CD99L2: variants seen among roughly 807,000 people sequenced by gnomAD.
CD99L2 encodes the protein CD99 molecule like 2, also known as CD99 antigen-like protein 2.
In CD99L2, 24 loss-of-function variants were observed where a neutral mutation model predicts 27.3. That is an observed-to-expected ratio of 0.88 (90% CI 0.64 to 1.24). The LOEUF (loss-of-function observed/expected upper bound fraction) is 1.24. CD99L2 is among the 50% of genes most tolerant of loss of function. The pLI, the probability that CD99L2 is intolerant of heterozygous loss-of-function variation, is 0.00. For missense variants in CD99L2, 255 were observed against 221.6 expected, an observed-to-expected ratio of 1.15 and a Z score of -0.96; for synonymous variants, 97 against 87.9, an observed-to-expected ratio of 1.10 and a Z score of -0.58.
chrX:150,867,539 G>A (rs377566663), intron 1 of CD99L2, among the ~76,000 whole-genome samples: 4 of 111,180 alleles, frequency 3.6e-5, no homozygotes, highest in South Asian at 7.6e-4. Context: ...CAAGGAGGGC[G>A]GATCACCTGA....
intron 1 of CD99L2, among the ~76,000 whole-genome samples, chrX:150,870,526 G>A (rs932147178): frequency 8.0e-5 from 9 of 112,040 alleles, no homozygotes; most frequent in Non-Finnish European, 1.3e-4. Context: ...GGCAGAGGTT[G>A]CAAATTTGTC....
intron 9 of CD99L2, among the ~76,000 whole-genome samples, chrX:150,774,149 G>A (rs147279064): frequency 0.012 from 1,330 of 111,703 alleles, 11 homozygotes; most frequent in Non-Finnish European, 0.02. Flanking sequence ...ATAAATATTC[G>A]TTCAATGACA....
At chrX:150,777,577 A>G in intron 7 of CD99L2, 95 bp from the exon 8 acceptor site, 1 of 907,057 alleles carries the variant, frequency 1.1e-6, no homozygotes, top group Non-Finnish European at 1.6e-6. Context: ...TGGCCCTTCC[A>G]ATCCCACCTA....
Position 150,816,037 on chromosome X carries a change from C to T in CD99L2, c.172G>A (p.Gly58Arg), listed in dbSNP as rs782070868. The T allele has an allele frequency of 1.7e-6, 2 of 1,211,555 alleles. No homozygotes were observed. Among genetic ancestry groups the T allele is most frequent in the Admixed American group, 4.3e-5 (2 of 45,994 alleles). The part of the protein sequence containing the change: ...HTTTTTTNRP[G>R]TTRAPAKPPG... The stretch of plus-strand genomic sequence containing the variant: ...GGTTTTGCCGGAGCTCTGGTGGTTC[C>T]TGGCCTATTGGTTGTGGTGGTGGTG... The change falls in exon 3 of 11, where the codon GGA becomes AGA. Residue 58 changes from glycine (G) to arginine (R), a missense_variant. By Grantham distance (125) the Gly-to-Arg change is moderately radical. Coordinates refer to ENST00000370377, the MANE Select transcript of CD99L2 (RefSeq NM_031462.4).
intron 1 of CD99L2, among the ~76,000 whole-genome samples, chrX:150,884,689 C>T (rs2047381272): frequency 9.0e-6 from 1 of 111,413 alleles, no homozygotes; most frequent in Admixed American, 9.6e-5. Context: ...TCTCAATCAA[C>T]CAATTAATCA....
At chrX:150,828,102 G>C (rs1190149877) in intron 2 of CD99L2, among the ~76,000 whole-genome samples, 2 of 111,634 alleles carry the variant, frequency 1.8e-5, no homozygotes, top group Non-Finnish European at 3.8e-5. Flanking sequence ...GCTATTCTGA[G>C]TCCTTTGAAT....
intron 9 of CD99L2, 74 bp downstream of exon 9, chrX:150,776,100 G>A (rs781825168): frequency 1.1e-5 from 13 of 1,155,351 alleles, no homozygotes; most frequent in Non-Finnish European, 1.5e-5. Flanking sequence ...GAGGGATCTG[G>A]ATCTGTCCTG....
chrX:150,891,111 T>G (rs782388380), intron 1 of CD99L2, among the ~76,000 whole-genome samples: 112 of 113,042 alleles, frequency 9.9e-4, no homozygotes, highest in African/African-American at 3.5e-3. Context: ...ACTGAAACAA[T>G]GTAAGGAAAT....
chrX:150,802,282 A>G (rs1420214671), intron 4 of CD99L2, among the ~76,000 whole-genome samples: 1 of 111,510 alleles, frequency 9.0e-6, no homozygotes, highest in Admixed American at 9.5e-5. Flanking sequence ...GAAAATATTT[A>G]GGATGGGACG....
At chrX:150,808,401 T>C (rs1557420297) in intron 4 of CD99L2, among the ~76,000 whole-genome samples, 1 of 112,427 alleles carries the variant, frequency 8.9e-6, no homozygotes, top group East Asian at 2.8e-4. Flanking sequence ...TGCTGGCCCT[T>C]AGCATGAACC....
chrX:150,872,548 A>G (rs1557422217), intron 1 of CD99L2, among the ~76,000 whole-genome samples: 2 of 105,329 alleles, frequency 1.9e-5, no homozygotes, highest in Non-Finnish European at 3.9e-5. Context: ...ATGTTAAAAA[A>G]AAAAAAAAAC....
At chrX:150,873,548 A>G (rs1196427843) in intron 1 of CD99L2, among the ~76,000 whole-genome samples, 1 of 112,133 alleles carries the variant, frequency 8.9e-6, no homozygotes, top group Admixed American at 9.5e-5. Context: ...AAAATGGTCA[A>G]TTGTATGGGA....
At chrX:150,779,669 TG>T (rs1188056376) in intron 7 of CD99L2, among the ~76,000 whole-genome samples, 1 of 112,485 alleles carries the variant, frequency 8.9e-6, no homozygotes, top group Non-Finnish European at 1.9e-5. Context: ...TGATGAGTCA[TG>T]GGCATAAAAT....
intron 4 of CD99L2, among the ~76,000 whole-genome samples, chrX:150,801,302 G>A (rs1306088003): frequency 1.8e-5 from 2 of 111,724 alleles, no homozygotes; most frequent in East Asian, 5.6e-4. Context: ...AAAGAAAAGA[G>A]GTTTAATTGA....
At chrX:150,807,110 T>C (rs1306096147) in intron 4 of CD99L2, among the ~76,000 whole-genome samples, 2 of 111,111 alleles carry the variant, frequency 1.8e-5, no homozygotes, top group Non-Finnish European at 3.8e-5. Flanking sequence ...ACCACCTTTC[T>C]TGGGGCCCTG....
intron 1 of CD99L2, among the ~76,000 whole-genome samples, chrX:150,894,572 TG>T (rs1557423009): frequency 1.5e-3 from 2 of 1,310 alleles, no homozygotes; most frequent in Non-Finnish European, 7.8e-3. Context: ...TCTTTTGTTT[TG>T]TGTGTGTGTG....
At chrX:150,859,046 C>T (rs1171050499) in intron 1 of CD99L2, among the ~76,000 whole-genome samples, 4 of 111,652 alleles carry the variant, frequency 3.6e-5, no homozygotes, top group Admixed American at 9.5e-5. Context: ...CACAGAAATA[C>T]AAAAGATTAT....
intron 1 of CD99L2, among the ~76,000 whole-genome samples, chrX:150,848,921 C>G (rs782740811): frequency 9.0e-6 from 1 of 111,423 alleles, no homozygotes. Context: ...CCCCTGCTGT[C>G]GTATGCTCCT....
chrX:150,805,845 G>A (rs1281662529), intron 4 of CD99L2, among the ~76,000 whole-genome samples: 3 of 111,892 alleles, frequency 2.7e-5, no homozygotes, highest in African/African-American at 9.8e-5. Context: ...TGCTACAGAT[G>A]GAGAACAAAT....
Sources: allele counts gnomAD v4.1 joint callset (sites outside exome capture counted in the v4.1 genomes callset), GRCh38; gene constraint gnomAD v4.1.1; transcripts MANE v1.5; gene names NCBI Gene and HGNC (gene_info 2026-07-23, HGNC 2026-07-21).